FNBP1: variants seen among roughly 807,000 people sequenced by gnomAD.
FNBP1 encodes formin binding protein 1.
A neutral mutation model predicts 90.6 loss-of-function variants in FNBP1; 26 were observed. That is an observed-to-expected ratio of 0.29 (90% CI 0.21 to 0.40). The LOEUF (loss-of-function observed/expected upper bound fraction) is 0.40. Ranked by LOEUF, FNBP1 falls within the 10% of genes least tolerant of loss-of-function variation. The probability of loss-of-function intolerance (pLI) is 1.00; values close to 1 mark genes in which losing one functional copy is unlikely to be tolerated. For synonymous variants in FNBP1, 260 were observed against 265.2 expected (o/e 0.98, Z 0.19); for missense variants, 635 against 768.0 (o/e 0.83, Z 2.05).
At chr9:129,973,249 C>T (rs540514809) in intron 4 of FNBP1, among the ~76,000 whole-genome samples, 3 of 152,262 alleles carry the variant, frequency 2.0e-5, no homozygotes, top group South Asian at 2.1e-4. Flanking sequence ...AGTGGGAAGG[C>T]GACTGAGTCT....
rs539833568 is a variant in FNBP1 at position 129,888,654 on chromosome 9, T to A, written c.*1885A>T. The stretch of plus-strand genomic sequence containing the variant: ...CAGAGAGGCTCACGCTCACCTACTT[T>A]AAAAACCCAAAGCCACTTCCTCTTC... On this transcript the variant is annotated 3_prime_UTR_variant, in exon 17 of 17. Coordinates refer to ENST00000446176, the MANE Select transcript of FNBP1 (RefSeq NM_015033.3). 4.3e-6 allele frequency: 1 copy of A among 233,054 alleles called. No homozygotes were observed. The highest frequency in any genetic ancestry group is 6.1e-5 in the East Asian group (1 of 16,528). The allele number at this position is 233,054 out of a possible 1,614,324, so 14.4% of individuals were successfully genotyped here. A position where few individuals can be genotyped will look rare whatever the true frequency, so the allele number is the denominator to read the frequency against.
At chr9:129,927,390 A>T (rs1320798568) in intron 7 of FNBP1, 49 bp from the exon 8 acceptor site, 1 of 1,585,322 alleles carries the variant, frequency 6.3e-7, no homozygotes, top group South Asian at 1.1e-5. Flanking sequence ...TTATTATTAA[A>T]CAAAGTTGTT....
intron 1 of FNBP1, chr9:130,013,990 C>T (rs1376658422): frequency 4.4e-6 from 2 of 455,938 alleles, no homozygotes; most frequent in Non-Finnish European, 8.8e-6. Context: ...TTGTGGTATT[C>T]TGCTATAGCA....
In FNBP1 at chr9:130,022,998, CAGA is replaced by C. The variant is rs200219279; in HGVS notation, c.24+19951_24+19953del. On this transcript the variant is annotated intron_variant, in intron 1 of 16. Coordinates refer to ENST00000446176, the MANE Select transcript of FNBP1 (RefSeq NM_015033.3). ...CCTGTCAAAAAACAAAAACAAAAAACAGAAGAAGGATTAATAGTTACATTAAGA... is the reference window on the plus strand; with the variant it reads ...CCTGTCAAAAAACAAAAACAAAAAACAGAAGGATTAATAGTTACATTAAGA... Among the ~76,000 whole-genome samples, 1,380 of 152,004 alleles carry C rather than the reference CAGA, an allele frequency of 9.1e-3. 12 individuals carry two copies. The highest frequency in any genetic ancestry group is 0.014 in the Non-Finnish European group (982 of 67,980).
intron 1 of FNBP1, among the ~76,000 whole-genome samples, chr9:130,001,784 G>T (rs2131455355): frequency 6.6e-6 from 1 of 152,174 alleles, no homozygotes. Flanking sequence ...AGCACTTTGG[G>T]AGGCCAAGGC....
chr9:130,050,865 C>T, the FNBP1 span, among the ~76,000 whole-genome samples: 4 of 147,344 alleles, frequency 2.7e-5, no homozygotes, highest in South Asian at 2.2e-4. Context: ...CTTGCTCTGT[C>T]GCACAGGCTG....
rs549976357 is a variant in FNBP1 at position 130,031,774 on chromosome 9, G to A, written c.24+11178C>T. 2.4e-4 allele frequency among the ~76,000 whole-genome samples: 35 copies of A among 148,640 alleles called. No homozygotes were observed. The East Asian group carries it at 6.2e-3, about 27-fold the overall frequency. Reference sequence around the variant, plus strand: ...CCTCCTAGATTCAAGCGATTCTCCTGCCTCAGCCTCCCGAGTAGCTGGGAT... The same window carrying A: ...CCTCCTAGATTCAAGCGATTCTCCTACCTCAGCCTCCCGAGTAGCTGGGAT... On this transcript the variant is annotated intron_variant, in intron 1 of 16. Coordinates refer to ENST00000446176, the MANE Select transcript of FNBP1 (RefSeq NM_015033.3). The surrounding 1 kb of genome is among the most constrained non-coding windows in gnomAD (Gnocchi z 4.2).
intron 6 of FNBP1, among the ~76,000 whole-genome samples, chr9:129,950,459 T>C (rs575254289): frequency 7.9e-5 from 12 of 152,314 alleles, no homozygotes; most frequent in Admixed American, 4.6e-4. Context: ...GCAGCACAAG[T>C]TAAAAGTCCT....
At chr9:129,898,002 G>T (rs901580097) in intron 15 of FNBP1, among the ~76,000 whole-genome samples, 2 of 151,864 alleles carry the variant, frequency 1.3e-5, no homozygotes. Flanking sequence ...ACTGATTTTT[G>T]TATTTTTAGT....
chr9:129,911,110 C>A (rs540350013), intron 11 of FNBP1, among the ~76,000 whole-genome samples: 5 of 152,200 alleles, frequency 3.3e-5, no homozygotes, highest in Non-Finnish European at 7.3e-5. Flanking sequence ...GATCTGCCCA[C>A]CTCGGCCTCC....
chr9:130,037,606 G>A (rs2059437355), intron 1 of FNBP1, among the ~76,000 whole-genome samples: 1 of 152,142 alleles, frequency 6.6e-6, no homozygotes, highest in African/African-American at 2.4e-5. Context: ...ATGAACAACA[G>A]AGAAGGGATA....
At position 129,925,031 on chromosome 9, in the gene FNBP1, C is replaced by T. The variant is rs777423514; in HGVS notation, c.916G>A (p.Glu306Lys). ...SDNSLSNSRG[E>K]GKPDLKFGGK... is the part of the protein sequence containing the mutation. The stretch of plus-strand genomic sequence containing the variant: ...CCAAATTTGAGGTCTGGTTTGCCTT[C>T]TCCTCTGGAATTTGAAAGGCTGTTA... Residue 306 changes from glutamate (E) to lysine (K), a missense_variant, in exon 9 of 17, where the codon GAA (glutamate) becomes AAA (lysine). Transcript: ENST00000446176. 2.8e-5 allele frequency: 45 copies of T among 1,613,796 alleles called. No homozygotes were observed. Among genetic ancestry groups the T allele is most frequent in the Non-Finnish European group, 3.6e-5 (43 of 1,179,864 alleles).
At chr9:129,906,182 C>G (rs2038026397) in intron 12 of FNBP1, among the ~76,000 whole-genome samples, 1 of 152,066 alleles carries the variant, frequency 6.6e-6, no homozygotes, top group Admixed American at 6.6e-5. Flanking sequence ...CGCGCCTGGC[C>G]AATTTCTTAA....
chr9:129,918,792 C>T lies in FNBP1; in HGVS notation c.1171-2812G>A, dbSNP rs576207638. On this transcript the variant is annotated intron_variant, in intron 10 of 16. Coordinates refer to ENST00000446176, the MANE Select transcript of FNBP1 (RefSeq NM_015033.3). ...GCTGTGTTTTATGCGTGAAATTCTG[C>T]GGTAAAGTCATACCCAATGACATCT... Among the ~76,000 whole-genome samples the T allele has an allele frequency of 3.0e-4, 46 of 151,380 alleles. 1 individual carries two copies. The highest frequency in any genetic ancestry group is 2.1e-3 in the Admixed American group (32 of 15,154).
intron 1 of FNBP1, among the ~76,000 whole-genome samples, chr9:130,036,658 A>G (rs1339587651): frequency 3.3e-5 from 5 of 152,228 alleles, no homozygotes; most frequent in African/African-American, 7.2e-5. Context: ...CTTCTGAAGC[A>G]GTTCTGCCCT....
chr9:129,899,532 G>A, intron 15 of FNBP1, among the ~76,000 whole-genome samples: 1 of 152,090 alleles, frequency 6.6e-6, no homozygotes, highest in East Asian at 1.9e-4. Context: ...GCAACATAGT[G>A]AGACCCTGTC....
intron 2 of FNBP1, among the ~76,000 whole-genome samples, chr9:129,989,170 A>G (rs1409936412): frequency 1.3e-5 from 2 of 152,154 alleles, no homozygotes; most frequent in African/African-American, 4.8e-5. Flanking sequence ...CCCCACTTCA[A>G]TCTCTATCAC....
In FNBP1 at chr9:129,915,986, T is replaced by C. The variant is rs372543377; in HGVS notation, c.1171-6A>G. 97 of 1,605,520 alleles carry C rather than the reference T, an allele frequency of 6.0e-5. No individual in the cohort carries two copies. Among genetic ancestry groups the C allele is most frequent in the Middle Eastern group, 4.9e-4 (3 of 6,070 alleles). Reference sequence around the variant, plus strand: ...CTTACCAGCTTGAGAGAAAGCTTCATGTAAAAATTGGAGAGGTATGGGAAA... The same window carrying C: ...CTTACCAGCTTGAGAGAAAGCTTCACGTAAAAATTGGAGAGGTATGGGAAA... On this transcript the variant is annotated splice_polypyrimidine_tract_variant and splice_region_variant and intron_variant, in intron 10 of 16. Transcript: ENST00000446176.
intron 2 of FNBP1, among the ~76,000 whole-genome samples, chr9:129,987,628 C>T (rs1353671928): frequency 6.6e-6 from 1 of 151,900 alleles, no homozygotes; most frequent in African/African-American, 2.4e-5. Context: ...GCAACCTCTG[C>T]CTCCTGAGTA....
Sources: allele counts gnomAD v4.1 joint callset (sites outside exome capture counted in the v4.1 genomes callset), GRCh38; gene constraint gnomAD v4.1.1; non-coding constraint Gnocchi (gnomAD v3.1); transcripts MANE v1.5; gene names NCBI Gene and HGNC (gene_info 2026-07-23, HGNC 2026-07-21).